CCKAR: variants seen among roughly 807,000 people sequenced by gnomAD.
CCKAR encodes the protein cholecystokinin A receptor, also known as cholecystokinin receptor type A.
A neutral mutation model predicts 29.8 loss-of-function variants in CCKAR; 21 were observed. The ratio of observed to expected loss-of-function variants is 0.70; its 90% confidence interval spans 0.50 to 1.01. The LOEUF (loss-of-function observed/expected upper bound fraction) is 1.01. CCKAR is among the 50% of genes least tolerant of loss of function. CCKAR has a pLI of 0.00. For synonymous variants in CCKAR, 238 were observed against 221.3 expected, an observed-to-expected ratio of 1.08 and a Z score of -0.67; for missense variants, 570 against 560.6, an observed-to-expected ratio of 1.02 and a Z score of -0.17.
intron 2 of CCKAR, 63 bp downstream of exon 2, chr4:26,489,170 G>A: frequency 6.3e-7 from 1 of 1,597,442 alleles, no homozygotes; most frequent in Non-Finnish European, 8.6e-7. Context: ...AGAGGTTTGG[G>A]AAGGTCTGGG....
chr4:26,489,613 C>T, intron 1 of CCKAR, 129 bp from the exon 2 acceptor site: 1 of 956,814 alleles, frequency 1.0e-6, no homozygotes, highest in Non-Finnish European at 1.5e-6. Context: ...CCCACGATTC[C>T]TGTCCTGGCA....
At position 26,481,979 on chromosome 4, in the gene CCKAR, T is replaced by C. The variant is rs767590049; in HGVS notation, c.946A>G (p.Ile316Val). ...AGGAAGAAGAGGACCACGATGACGA[T>C]GAGCATGCGGATCACCCTTTTCTTG... The part of the protein sequence containing the change: ...MAKKRVIRML[I>V]VIVVLFFLCW... The change falls in exon 5 of 5, where the codon ATC becomes GTC. Residue 316 changes from isoleucine to valine, a missense_variant. Physicochemically the swap from Ile to Val is conservative, Grantham distance 29 (BLOSUM62 3). Transcript: ENST00000295589. The C allele has an allele frequency of 2.2e-5, 35 of 1,614,234 alleles. No homozygotes were observed. Among genetic ancestry groups the C allele is most frequent in the Non-Finnish European group, 2.8e-5 (33 of 1,180,036 alleles).
intron 2 of CCKAR, 45 bp from the exon 3 acceptor site, chr4:26,485,943 A>G (rs1207452135): frequency 3.8e-6 from 6 of 1,584,970 alleles, no homozygotes; most frequent in Non-Finnish European, 5.2e-6. Flanking sequence ...TCTGAAATCC[A>G]AAGTTTATTT....
Position 26,485,659 on chromosome 4 carries a change from T to C in CCKAR, c.604A>G (p.Asn202Asp). The C allele has an allele frequency of 6.2e-7, 1 of 1,614,128 alleles. No homozygotes were observed. Among genetic ancestry groups the C allele is most frequent in the Non-Finnish European group, 8.5e-7 (1 of 1,180,026 alleles). The change falls in exon 3 of 5, where the codon AAT becomes GAT. Residue 202 changes from asparagine (N) to aspartate (D), a missense_variant. Physicochemically the swap from Asn to Asp is conservative, Grantham distance 23. Transcript: ENST00000295589. The part of the protein sequence containing the change: ...TANMCRFLLP[N>D]DVMQQSWHTF... ...TACCAGGACTGCTGCATAACATCATTTGGCAGTAGAAAGCGGCACATATTC... is the reference window on the plus strand; with the variant it reads ...TACCAGGACTGCTGCATAACATCATCTGGCAGTAGAAAGCGGCACATATTC...
chr4:26,489,040 G>A (rs1197864389), intron 2 of CCKAR, among the ~76,000 whole-genome samples, 193 bp downstream of exon 2: 1 of 152,052 alleles, frequency 6.6e-6, no homozygotes, highest in Non-Finnish European at 1.5e-5. Flanking sequence ...GATGGGGACC[G>A]ACTTGTGGGG....
chr4:26,489,004 C>A (rs1224035815), intron 2 of CCKAR, among the ~76,000 whole-genome samples: 2 of 152,168 alleles, frequency 1.3e-5, no homozygotes, highest in African/African-American at 4.8e-5. Flanking sequence ...TTATTTCACT[C>A]TTAGAAACTG....
In CCKAR at chr4:26,483,294, C is replaced by A. The variant is rs76473139; in HGVS notation, c.627-11G>T. ...AACAGGAATGTGTGCCTAATGAAAT[C>A]AAAAGAAATCCAATAACCAGCAACT... On this transcript the variant is annotated splice_polypyrimidine_tract_variant and intron_variant, in intron 3 of 4. Coordinates refer to ENST00000295589, the MANE Select transcript of CCKAR (RefSeq NM_000730.3). 1.0e-3 allele frequency: 1,661 copies of A among 1,610,848 alleles called. 22 individuals are homozygous for A. In the African/African-American group the frequency reaches 0.02, roughly 20 times the overall value.
chr4:26,484,270 C>A (rs947996859), intron 3 of CCKAR, among the ~76,000 whole-genome samples: 2 of 152,140 alleles, frequency 1.3e-5, no homozygotes, highest in Non-Finnish European at 2.9e-5. Context: ...CCTTTTCAAG[C>A]CTTGGAAATA....
intron 3 of CCKAR, 91 bp downstream of exon 3, chr4:26,485,546 C>T (rs1017338602): frequency 7.1e-7 from 1 of 1,414,946 alleles, no homozygotes; most frequent in East Asian, 2.3e-5. Context: ...AAACTGATCC[C>T]CCAACCACTC....
chr4:26,489,811 C>G (rs2071011), intron 1 of CCKAR, among the ~76,000 whole-genome samples: 4,734 of 152,190 alleles, frequency 0.031, 171 homozygotes, highest in East Asian at 0.21. Flanking sequence ...CTGGGTTTCC[C>G]CCCAAGAAAA....
At chr4:26,483,340 G>T (rs990972725) in intron 3 of CCKAR, 57 bp from the exon 4 acceptor site, 2 of 1,560,576 alleles carry the variant, frequency 1.3e-6, no homozygotes, top group East Asian at 4.5e-5. Context: ...AAACTCAAAT[G>T]GGAAGGAATG....
chr4:26,488,396 AG>A (rs1737488882), intron 2 of CCKAR, among the ~76,000 whole-genome samples: 1 of 152,162 alleles, frequency 6.6e-6, no homozygotes, highest in South Asian at 2.1e-4. Flanking sequence ...TTTCCTCCTT[AG>A]GGAGACAAGG....
chr4:26,482,206 T>C, intron 4 of CCKAR, 36 bp from the exon 5 acceptor site: 1 of 1,574,846 alleles, frequency 6.3e-7, no homozygotes, highest in Non-Finnish European at 8.6e-7. Context: ...TTGCTGGGGA[T>C]GGGTCATGCC....
intron 2 of CCKAR, among the ~76,000 whole-genome samples, chr4:26,488,721 A>C (rs1737495222): frequency 6.6e-6 from 1 of 152,160 alleles, no homozygotes; most frequent in African/African-American, 2.4e-5. Context: ...AATCCTGAGA[A>C]GAGAATCTGA....
intron 3 of CCKAR, among the ~76,000 whole-genome samples, chr4:26,483,936 A>C (rs1210831451): frequency 6.6e-6 from 1 of 152,194 alleles, no homozygotes. Flanking sequence ...ACAATGGAAA[A>C]CCTTCTGGGT....
chr4:26,489,994 T>G (rs1461980990), intron 1 of CCKAR, among the ~76,000 whole-genome samples, 162 bp downstream of exon 1: 1 of 152,100 alleles, frequency 6.6e-6, no homozygotes, highest in African/African-American at 2.4e-5. Context: ...TTTGACTCTA[T>G]TCTGCTTTTT....
chr4:26,482,855 G>GGTCT (rs1026477609), intron 4 of CCKAR, among the ~76,000 whole-genome samples: 3 of 152,140 alleles, frequency 2.0e-5, no homozygotes, highest in African/African-American at 7.2e-5. Flanking sequence ...TATGGAAAGG[G>GGTCT]GTCTGTTTGA....
chr4:26,489,173 G>A, intron 2 of CCKAR, 60 bp downstream of exon 2: 1 of 1,600,668 alleles, frequency 6.2e-7, no homozygotes, highest in Non-Finnish European at 8.5e-7. Context: ...GGTTTGGGAA[G>A]GTCTGGGGCT....
Position 26,481,529 on chromosome 4 carries a change from G to A in CCKAR, c.*109C>T. On this transcript the variant is annotated 3_prime_UTR_variant, in exon 5 of 5. Transcript: ENST00000295589. ...TTGAAGAGTTCCCACTGGAGATGGAGCCTTCCTTCTCCATCAGCTCTGCTC... is the reference window on the plus strand; with the variant it reads ...TTGAAGAGTTCCCACTGGAGATGGAACCTTCCTTCTCCATCAGCTCTGCTC... 1 of 1,194,346 alleles carries A rather than the reference G, an allele frequency of 8.4e-7. No individual in the cohort carries two copies. 74.0% of individuals were successfully genotyped at this position (1,194,346 alleles called of 1,614,324 possible). A position where few individuals can be genotyped will look rare whatever the true frequency, so the allele number is the denominator to read the frequency against.
Sources: gnomAD v4.1 joint callset for allele counts (sites outside exome capture counted in the v4.1 genomes callset) on GRCh38, gnomAD v4.1.1 for gene constraint, MANE v1.5 for transcripts, NCBI Gene and HGNC (gene_info 2026-07-23, HGNC 2026-07-21) for gene names.